The following FSTL5 variants were observed in gnomAD, a reference collection of about 807,000 sequenced individuals.
FSTL5 encodes the protein follistatin like 5.
FSTL5 carries 62 observed loss-of-function variants against 89.1 expected under a neutral mutation model. The observed-to-expected ratio is 0.70, with a 90% CI of 0.57 to 0.86. The LOEUF (loss-of-function observed/expected upper bound fraction) is 0.86. FSTL5 is among the 40% of genes least tolerant of loss of function. FSTL5 has a pLI of 0.00. For missense variants in FSTL5, 1,057 were observed against 1,001.6 expected, an observed-to-expected ratio of 1.06 and a Z score of -0.75; for synonymous variants, 383 against 346.2, an observed-to-expected ratio of 1.11 and a Z score of -1.18.
intron 6 of FSTL5, among the ~76,000 whole-genome samples, chr4:161,758,084 A>C (rs1413362470): frequency 1.3e-5 from 2 of 152,216 alleles, no homozygotes; most frequent in East Asian, 3.8e-4. Context: ...GTGATTTAAA[A>C]ATTTATAAGC....
intron 8 of FSTL5, among the ~76,000 whole-genome samples, chr4:161,557,608 A>C (rs1732435589): frequency 6.6e-6 from 1 of 151,860 alleles, no homozygotes; most frequent in South Asian, 2.1e-4. Flanking sequence ...AATCTAAAGA[A>C]ATTAAAGCAC....
Position 161,961,179 on chromosome 4 carries a change from G to A in FSTL5, c.161-40527C>T, listed in dbSNP as rs917738857. Among the ~76,000 whole-genome samples the A allele has an allele frequency of 2.0e-5, 3 of 152,006 alleles. No individual in the cohort carries two copies. In the East Asian group the frequency reaches 5.8e-4, roughly 29 times the overall value. Reference sequence around the variant, plus strand: ...ACCCACACTGGAGTGCAATGACACTGTCTCTGTACCCTTGAACTATGGGGC... The same window carrying A: ...ACCCACACTGGAGTGCAATGACACTATCTCTGTACCCTTGAACTATGGGGC... On this transcript the variant is annotated intron_variant, in intron 3 of 15. Coordinates refer to ENST00000306100, the MANE Select transcript of FSTL5 (RefSeq NM_020116.5).
intron 8 of FSTL5, among the ~76,000 whole-genome samples, chr4:161,577,317 T>G (rs997977406): frequency 1.3e-5 from 2 of 151,878 alleles, no homozygotes; most frequent in African/African-American, 4.8e-5. Context: ...TTAAGAAAAT[T>G]GACATGATAG....
intron 6 of FSTL5, among the ~76,000 whole-genome samples, chr4:161,731,703 C>T (rs532045178): frequency 6.6e-6 from 1 of 151,698 alleles, no homozygotes; most frequent in South Asian, 2.1e-4. Flanking sequence ...TTCTTGATTA[C>T]TATAGATTAC....
At chr4:161,986,706 C>T (rs562386358) in intron 3 of FSTL5, among the ~76,000 whole-genome samples, 1 of 152,146 alleles carries the variant, frequency 6.6e-6, no homozygotes, top group Admixed American at 6.5e-5. Flanking sequence ...AATTTTTTCA[C>T]CTTGTGAATT....
intron 7 of FSTL5, among the ~76,000 whole-genome samples, chr4:161,603,452 C>T (rs1252302104): frequency 1.3e-5 from 2 of 152,028 alleles, no homozygotes; most frequent in African/African-American, 4.8e-5. Flanking sequence ...AAGGAAAGGC[C>T]ACGTGCAAAC....
chr4:162,117,734 T>C (rs1020942768), intron 1 of FSTL5, among the ~76,000 whole-genome samples: 2 of 152,220 alleles, frequency 1.3e-5, no homozygotes, highest in African/African-American at 4.8e-5. Flanking sequence ...TTGTTTATTC[T>C]CTGTATCCAA....
At chr4:161,560,783 C>A (rs1260320218) in intron 8 of FSTL5, among the ~76,000 whole-genome samples, 1 of 151,876 alleles carries the variant, frequency 6.6e-6, no homozygotes, top group East Asian at 1.9e-4. Context: ...TTGTCATCTC[C>A]TGTGACAACA....
At chr4:162,138,712 C>T (rs2111474499) in intron 1 of FSTL5, among the ~76,000 whole-genome samples, 1 of 151,976 alleles carries the variant, frequency 6.6e-6, no homozygotes, top group East Asian at 1.9e-4. Context: ...TAATAAAGTA[C>T]TTGTTTACAA....
intron 3 of FSTL5, among the ~76,000 whole-genome samples, chr4:161,937,640 G>A (rs1248825923): frequency 6.6e-6 from 1 of 152,136 alleles, no homozygotes; most frequent in Admixed American, 6.6e-5. Context: ...ACAATTCTGG[G>A]GGAAAGAACT....
rs563521984 is a variant in FSTL5, at chr4:161,912,776, C to T, written c.409+7628G>A. Among the ~76,000 whole-genome samples the T allele has an allele frequency of 7.2e-5, 11 of 152,130 alleles. No individual in the cohort carries two copies. The South Asian group carries it at 2.3e-3, about 32-fold the overall frequency. On this transcript the variant is annotated intron_variant, in intron 4 of 15. Coordinates refer to ENST00000306100, the MANE Select transcript of FSTL5 (RefSeq NM_020116.5). The stretch of plus-strand genomic sequence containing the variant: ...ACAGTTTGGAGGGTTCAGAAGAAGA[C>T]AGGAAAAGGTGGGAAAGTTTGGAAA...
chr4:162,130,708 ATAAT>A (rs1732267369), intron 1 of FSTL5, among the ~76,000 whole-genome samples: 1 of 150,338 alleles, frequency 6.7e-6, no homozygotes, highest in Non-Finnish European at 1.5e-5. Flanking sequence ...GCTTATATGA[ATAAT>A]TAAACTTATA....
intron 15 of FSTL5, among the ~76,000 whole-genome samples, chr4:161,414,897 C>A (rs1348800484): frequency 6.6e-6 from 1 of 152,162 alleles, no homozygotes; most frequent in Non-Finnish European, 1.5e-5. Flanking sequence ...TAGTTTGTGA[C>A]ATATTGAATA....
rs1578932923 is a variant in FSTL5, at chr4:161,385,634, T to A, written c.*113A>T. 13 of 748,172 alleles carry A rather than the reference T, an allele frequency of 1.7e-5. No homozygotes were observed. In the East Asian group the frequency reaches 3.4e-4, roughly 20 times the overall value. The allele number at this position is 748,172 out of a possible 1,614,324, so 46.3% of individuals were successfully genotyped here. On this transcript the variant is annotated 3_prime_UTR_variant, in exon 16 of 16. Transcript: ENST00000306100. ...ATTTATTTTATTTGGACCAACCAAG[T>A]AAATTTTGTTTGACTAGGATATAAA...
At chr4:161,436,852 AG>A (rs1055999071) in intron 15 of FSTL5, among the ~76,000 whole-genome samples, 4 of 152,290 alleles carry the variant, frequency 2.6e-5, no homozygotes, top group Admixed American at 2.6e-4. Context: ...TTAAGATTGC[AG>A]GGGAAAGTTT....
chr4:161,448,352 G>A (rs1166533603), intron 15 of FSTL5, among the ~76,000 whole-genome samples: 2 of 152,036 alleles, frequency 1.3e-5, no homozygotes, highest in Non-Finnish European at 2.9e-5. Flanking sequence ...GGATTTCAAC[G>A]TAACCACAGC....
intron 3 of FSTL5, among the ~76,000 whole-genome samples, chr4:161,996,339 T>C (rs1317006194): frequency 6.6e-6 from 1 of 152,208 alleles, no homozygotes; most frequent in Non-Finnish European, 1.5e-5. Context: ...TCTGGATTCT[T>C]CTAAGCAACA....
intron 7 of FSTL5, among the ~76,000 whole-genome samples, chr4:161,598,614 C>T (rs75449417): frequency 1.3e-5 from 2 of 152,086 alleles, no homozygotes; most frequent in Non-Finnish European, 2.9e-5. Context: ...ATTCTCAGCT[C>T]TCCCTTCTTT....
chr4:161,531,968 G>T lies in FSTL5; in HGVS notation c.1312+6198C>A, dbSNP rs577012548. Among the ~76,000 whole-genome samples, 3 of 152,232 alleles carry T rather than the reference G, an allele frequency of 2.0e-5. No homozygotes were observed. The South Asian group carries it at 6.2e-4, about 32-fold the overall frequency. ...GCCTATAATCCCAGCACTTTGGGAG[G>T]CCGAGACGGGCGGATCATGAGGTCA... On this transcript the variant is annotated intron_variant, in intron 10 of 15. Transcript: ENST00000306100.
Sources: gnomAD v4.1 joint callset for allele counts (sites outside exome capture counted in the v4.1 genomes callset) on GRCh38, gnomAD v4.1.1 for gene constraint, MANE v1.5 for transcripts, NCBI Gene and HGNC (gene_info 2026-07-23, HGNC 2026-07-21) for gene names.